NHSL1: variants seen among roughly 807,000 people sequenced by gnomAD.
NHSL1 encodes NHS-like protein 1.
NHSL1 carries 48 observed loss-of-function variants against 95.0 expected under a neutral mutation model. That is an observed-to-expected ratio of 0.51 (90% CI 0.40 to 0.64). NHSL1 has a LOEUF of 0.64. Ranked by LOEUF, NHSL1 falls within the 30% of genes least tolerant of loss-of-function variation. The pLI, the probability that NHSL1 is intolerant of heterozygous loss-of-function variation, is 0.00. For synonymous variants in NHSL1, 783 were observed against 833.9 expected (o/e 0.94, Z 1.05); for missense variants, 1,971 against 2,077.7 (o/e 0.95, Z 1.00).
At chr6:138,504,758 G>A (rs1352416656) in intron 1 of NHSL1, among the ~76,000 whole-genome samples, 2 of 152,196 alleles carry the variant, frequency 1.3e-5, no homozygotes, top group Non-Finnish European at 2.9e-5. Flanking sequence ...GGTTTGAATA[G>A]GATTGACCAG....
intron 1 of NHSL1, among the ~76,000 whole-genome samples, chr6:138,564,043 A>G (rs565029675): frequency 2.2e-4 from 33 of 152,084 alleles, no homozygotes; most frequent in African/African-American, 8.0e-4. Context: ...AACTTTACTA[A>G]TTGGTCAAAA....
chr6:138,472,482 A>G (rs1365650538), intron 3 of NHSL1, among the ~76,000 whole-genome samples: 1 of 151,856 alleles, frequency 6.6e-6, no homozygotes, highest in Non-Finnish European at 1.5e-5. Flanking sequence ...AGGACAATAA[A>G]TTTTGAATAA....
At chr6:138,523,627 G>GAAAA (rs67335375) in intron 1 of NHSL1, among the ~76,000 whole-genome samples, 1,958 of 64,794 alleles carry the variant, frequency 0.03, 135 homozygotes, top group Middle Eastern at 0.062. Flanking sequence ...TTTTAAAGAG[G>GAAAA]AAAAAAAAAA....
At chr6:138,591,572 A>AT (rs1323426445) in intron 1 of NHSL1, among the ~76,000 whole-genome samples, 1 of 151,888 alleles carries the variant, frequency 6.6e-6, no homozygotes, top group Middle Eastern at 3.2e-3. Flanking sequence ...ACACGCCCCC[A>AT]TGCCTGGCTG....
chr6:138,444,961 C>G (rs1776767423), intron 4 of NHSL1, among the ~76,000 whole-genome samples: 1 of 152,168 alleles, frequency 6.6e-6, no homozygotes, highest in Non-Finnish European at 1.5e-5. Context: ...TACATTTTGA[C>G]ATAACTCATA....
intron 2 of NHSL1, among the ~76,000 whole-genome samples, chr6:138,486,584 C>T (rs1779744552): frequency 6.6e-6 from 1 of 152,176 alleles, no homozygotes; most frequent in Non-Finnish European, 1.5e-5. Context: ...CAAGCCTCAA[C>T]CGCCCCCCTC....
intron 2 of NHSL1, among the ~76,000 whole-genome samples, chr6:138,489,580 C>T (rs1301689188): frequency 6.6e-6 from 1 of 151,526 alleles, no homozygotes; most frequent in Non-Finnish European, 1.5e-5. Flanking sequence ...GACAGGGCAA[C>T]AAGGCAAGAC....
chr6:138,682,294 T>G (rs1047025629), intron 1 of NHSL1, among the ~76,000 whole-genome samples: 1 of 152,150 alleles, frequency 6.6e-6, no homozygotes, highest in Admixed American at 6.5e-5. Context: ...AAAAATAAAA[T>G]TATTCCAGAA....
rs531340633 is a variant in NHSL1 at position 138,559,112 on chromosome 6, T to C, written c.202+12598A>G. Among the ~76,000 whole-genome samples, 251 of 151,958 alleles carry C rather than the reference T, an allele frequency of 1.7e-3. 1 individual carries two copies. The highest frequency in any genetic ancestry group is 5.8e-3 in the African/African-American group (242 of 41,480). ...TTGCTTTTGTTTTCCAGTTCCAACA[T>C]AGGATCTCTGCTACATACAGGCTAG... On this transcript the variant is annotated intron_variant, in intron 1 of 6. Transcript: ENST00000427025.
At chr6:138,522,578 T>C (rs1583350583) in intron 1 of NHSL1, among the ~76,000 whole-genome samples, 1 of 151,988 alleles carries the variant, frequency 6.6e-6, no homozygotes, top group South Asian at 2.1e-4. Context: ...GAGGCGGAGG[T>C]TGCAGTGAGC....
chr6:138,463,250 C>T (rs905864979), intron 3 of NHSL1, among the ~76,000 whole-genome samples: 2 of 152,096 alleles, frequency 1.3e-5, no homozygotes, highest in African/African-American at 2.4e-5. Flanking sequence ...AGACCAATCC[C>T]GTTAAATAAT....
intron 1 of NHSL1, among the ~76,000 whole-genome samples, chr6:138,640,370 A>C (rs1784944317): frequency 6.6e-6 from 1 of 152,200 alleles, no homozygotes; most frequent in Non-Finnish European, 1.5e-5. Context: ...CCTAGCATGT[A>C]GTAGACATTT....
At chr6:138,521,790 C>A (rs1781693860) in intron 1 of NHSL1, among the ~76,000 whole-genome samples, 1 of 152,038 alleles carries the variant, frequency 6.6e-6, no homozygotes, top group Non-Finnish European at 1.5e-5. Context: ...CTCATATGGG[C>A]ATGGGGTCTG....
At chr6:138,454,714 T>A (rs1475184029) in intron 3 of NHSL1, among the ~76,000 whole-genome samples, 1 of 152,224 alleles carries the variant, frequency 6.6e-6, no homozygotes, top group East Asian at 1.9e-4. Context: ...TAAAGAAAGA[T>A]CTTGTTTCAG....
intron 5 of NHSL1, among the ~76,000 whole-genome samples, chr6:138,435,539 A>G (rs1247604547): frequency 6.6e-6 from 1 of 152,210 alleles, no homozygotes; most frequent in Non-Finnish European, 1.5e-5. Flanking sequence ...AAAGCATATG[A>G]AAAAACTCAT....
intron 1 of NHSL1, among the ~76,000 whole-genome samples, chr6:138,668,611 A>G (rs887648005): frequency 6.6e-6 from 1 of 151,792 alleles, no homozygotes; most frequent in African/African-American, 2.4e-5. Flanking sequence ...ATTTAAAAAC[A>G]AGAAATTTTT....
chr6:138,550,520 C>T (rs1316349498), upstream of NHSL1, among the ~76,000 whole-genome samples: 1 of 152,136 alleles, frequency 6.6e-6, no homozygotes, highest in African/African-American at 2.4e-5. Flanking sequence ...GACCTTAGGG[C>T]GGCAACCACT....
chr6:138,542,015 T>TGGAATATGACCTTATTTG (rs1412429541), intron 1 of NHSL1, among the ~76,000 whole-genome samples: 23 of 152,328 alleles, frequency 1.5e-4, no homozygotes, highest in African/African-American at 5.1e-4. Flanking sequence ...CTCACAACCC[T>TGGAATATGACCTTATTTG]GGAATATGAC....
Position 138,430,377 on chromosome 6 carries a change from A to G in NHSL1, c.3952+16T>C. On this transcript the variant is annotated intron_variant, in intron 6 of 7. Coordinates refer to ENST00000343505, the MANE Select transcript of NHSL1 (RefSeq NM_001144060.2). The surrounding 1 kb of genome is among the most constrained non-coding windows in gnomAD (Gnocchi z 4.7). The stretch of plus-strand genomic sequence containing the variant: ...GCAGAGGGCACAGGAGAGAGAAGCC[A>G]GGAAGCCAGACTCACCTGCTCCGTC... 9.0e-6 allele frequency: 13 copies of G among 1,451,122 alleles called. No individual in the cohort carries two copies. The highest frequency in any genetic ancestry group is 1.5e-5 in the South Asian group (1 of 66,024). The allele number at this position is 1,451,122 out of a possible 1,614,324, so 89.9% of individuals were successfully genotyped here.
Sources: allele counts gnomAD v4.1 joint callset (sites outside exome capture counted in the v4.1 genomes callset), GRCh38; gene constraint gnomAD v4.1.1; non-coding constraint Gnocchi (gnomAD v3.1); transcripts MANE v1.5; gene names NCBI Gene and HGNC (gene_info 2026-07-23, HGNC 2026-07-21).